PLXNA2: variants seen among roughly 807,000 people sequenced by gnomAD.
The protein encoded by PLXNA2 is plexin-A2.
A neutral mutation model predicts 193.5 loss-of-function variants in PLXNA2; 91 were observed. The observed-to-expected ratio is 0.47, with a 90% CI of 0.40 to 0.56. PLXNA2 has a LOEUF of 0.56. PLXNA2 is among the 20% of genes least tolerant of loss of function. The pLI, the probability that PLXNA2 is intolerant of heterozygous loss-of-function variation, is 0.00. For synonymous variants in PLXNA2, 997 were observed against 1,027.3 expected (o/e 0.97, Z 0.56); for missense variants, 1,995 against 2,503.2 (o/e 0.80, Z 4.33).
intron 4 of PLXNA2, 40 bp from the exon 5 acceptor site, chr1:208,103,287 G>T: frequency 6.8e-7 from 1 of 1,477,088 alleles, no homozygotes; most frequent in Non-Finnish European, 9.4e-7. Context: ...AGGTTAGGCT[G>T]TGACGACTAG....
chr1:208,131,535 G>A (rs1324569334), intron 4 of PLXNA2, among the ~76,000 whole-genome samples: 1 of 152,176 alleles, frequency 6.6e-6, no homozygotes, highest in Non-Finnish European at 1.5e-5. Flanking sequence ...CAGAGCTCTG[G>A]GGTGTCATTC....
chr1:208,043,414 T>C (rs775457822), intron 20 of PLXNA2, among the ~76,000 whole-genome samples: 2 of 152,166 alleles, frequency 1.3e-5, no homozygotes, highest in Non-Finnish European at 2.9e-5. Context: ...CCTCTATACT[T>C]ATCTATAATT....
intron 4 of PLXNA2, among the ~76,000 whole-genome samples, chr1:208,128,386 C>T (rs1668036527): frequency 6.6e-6 from 1 of 152,262 alleles, no homozygotes; most frequent in African/African-American, 2.4e-5. Context: ...TTAGCTAGAG[C>T]CATGGCTGAG....
chr1:208,229,486 C>A (rs1240825695), intron 1 of PLXNA2, among the ~76,000 whole-genome samples: 3 of 152,146 alleles, frequency 2.0e-5, no homozygotes, highest in East Asian at 3.9e-4. Flanking sequence ...TGGACACTGT[C>A]CCTACTAGTT....
intron 1 of PLXNA2, among the ~76,000 whole-genome samples, chr1:208,226,611 G>A (rs1671519215): frequency 6.6e-6 from 1 of 152,180 alleles, no homozygotes; most frequent in Admixed American, 6.5e-5. Context: ...GCCGGGAGCA[G>A]GGAGATACAC....
At chr1:208,229,001 G>C (rs142206042) in intron 1 of PLXNA2, among the ~76,000 whole-genome samples, 77 of 152,292 alleles carry the variant, frequency 5.1e-4, no homozygotes, top group Admixed American at 1.2e-3. Flanking sequence ...TGGCAGCACA[G>C]AAGGGCGTAG....
intron 29 of PLXNA2, chr1:208,030,509 C>T: frequency 1.0e-6 from 1 of 985,402 alleles, no homozygotes; most frequent in Non-Finnish European, 1.2e-6. Context: ...GGCTCTTAAC[C>T]CCAGGGCCAC....
intron 3 of PLXNA2, among the ~76,000 whole-genome samples, chr1:208,145,790 A>G (rs531695907): frequency 1.3e-5 from 2 of 152,218 alleles, no homozygotes; most frequent in Admixed American, 6.5e-5. Flanking sequence ...CAATCTTTTA[A>G]TAAGCCAGTT....
At chr1:208,191,642 C>T (rs2102565083) in intron 3 of PLXNA2, among the ~76,000 whole-genome samples, 1 of 152,266 alleles carries the variant, frequency 6.6e-6, no homozygotes, top group Non-Finnish European at 1.5e-5. Flanking sequence ...GAAACAGGCA[C>T]AGAGAGGTGA....
At chr1:208,202,583 C>T (rs537199713) in intron 3 of PLXNA2, among the ~76,000 whole-genome samples, 4 of 152,218 alleles carry the variant, frequency 2.6e-5, no homozygotes, top group African/African-American at 9.6e-5. Context: ...AAGTCCCTTC[C>T]GACTCAGAGA....
chr1:208,226,742 A>C (rs553945111), intron 1 of PLXNA2, among the ~76,000 whole-genome samples: 1 of 152,326 alleles, frequency 6.6e-6, no homozygotes, highest in South Asian at 2.1e-4. Flanking sequence ...GTATAAACTA[A>C]AATACAAGAA....
chr1:208,052,321 T>C lies in PLXNA2; in HGVS notation c.2993+6A>G, dbSNP rs772201418. On this transcript the variant is annotated splice_donor_region_variant and intron_variant, in intron 15 of 31. Transcript: ENST00000367033. The stretch of plus-strand genomic sequence containing the variant: ...GTCTTCTGGTGGCCCTTCAAGTTTA[T>C]CTCACCCGTAGAACTCGCAGGTCTG... 1.9e-6 allele frequency: 3 copies of C among 1,612,032 alleles called. No homozygotes were observed. Among genetic ancestry groups the C allele is most frequent in the Non-Finnish European group, 2.5e-6 (3 of 1,179,928 alleles).
At chr1:208,105,594 T>C (rs1667244913) in intron 4 of PLXNA2, among the ~76,000 whole-genome samples, 1 of 152,172 alleles carries the variant, frequency 6.6e-6, no homozygotes, top group Non-Finnish European at 1.5e-5. Flanking sequence ...CCTTAAAGAA[T>C]AACCCTTGAA....
At chr1:208,148,795 C>T (rs1274673093) in intron 3 of PLXNA2, among the ~76,000 whole-genome samples, 2 of 152,164 alleles carry the variant, frequency 1.3e-5, no homozygotes, top group African/African-American at 4.8e-5. Flanking sequence ...CAGCATCTCA[C>T]CTGGCCTGAA....
intron 1 of PLXNA2, among the ~76,000 whole-genome samples, chr1:208,237,014 G>A (rs893733197): frequency 6.6e-6 from 1 of 152,190 alleles, no homozygotes; most frequent in South Asian, 2.1e-4. Context: ...TATAGGATTA[G>A]AGACAGCCTT....
chr1:208,067,959 C>T (rs989591395), intron 12 of PLXNA2, among the ~76,000 whole-genome samples: 3 of 152,140 alleles, frequency 2.0e-5, no homozygotes, highest in East Asian at 1.9e-4. Context: ...ATCCTCAAGT[C>T]TCTACTCAAA....
intron 4 of PLXNA2, among the ~76,000 whole-genome samples, chr1:208,128,519 CG>C (rs5780435): frequency 0.54 from 82,174 of 151,788 alleles, 22,579 homozygotes; most frequent in African/African-American, 0.57. Flanking sequence ...AGAGAGGATA[CG>C]CTAGGCCATA....
intron 1 of PLXNA2, among the ~76,000 whole-genome samples, chr1:208,230,909 A>C (rs1671669530): frequency 6.6e-6 from 1 of 152,166 alleles, no homozygotes; most frequent in African/African-American, 2.4e-5. Flanking sequence ...ATGGAGCTGG[A>C]TTAAAGGGGC....
chr1:208,172,163 C>T (rs1412261298), intron 3 of PLXNA2, among the ~76,000 whole-genome samples: 2 of 151,798 alleles, frequency 1.3e-5, no homozygotes. Flanking sequence ...AACGTAACAG[C>T]AGCCTGAAGA....
Sources: allele counts gnomAD v4.1 joint callset (sites outside exome capture counted in the v4.1 genomes callset), GRCh38; gene constraint gnomAD v4.1.1; transcripts MANE v1.5; gene names NCBI Gene and HGNC (gene_info 2026-07-23, HGNC 2026-07-21).